Variants in ERC1 observed in about 807,000 individuals in gnomAD.
ERC1 encodes RAB6 interacting protein 2.
Under a neutral mutation model 132.0 loss-of-function variants are expected in ERC1, and 56 were observed. The ratio of observed to expected loss-of-function variants is 0.42; its 90% CI spans 0.34 to 0.53. The LOEUF is 0.53. Among genes scored for constraint, ERC1 ranks in the 20% least tolerant of loss-of-function variants. ERC1 has a pLI of 0.03. For synonymous variants in ERC1, 478 were observed against 476.1 expected, an observed-to-expected ratio of 1.00 and a Z score of -0.05; for missense variants, 1,202 against 1,349.9, an observed-to-expected ratio of 0.89 and a Z score of 1.72.
At chr12:1,276,133 C>G (rs1312399226) in intron 14 of ERC1, among the ~76,000 whole-genome samples, 1 of 152,144 alleles carries the variant, frequency 6.6e-6, no homozygotes, top group African/African-American at 2.4e-5. Context: ...TTCAACCTTA[C>G]CTTATTCCCT....
chr12:1,271,240 G>A (rs1031541280), intron 14 of ERC1, among the ~76,000 whole-genome samples: 7 of 152,196 alleles, frequency 4.6e-5, no homozygotes, highest in Admixed American at 4.6e-4. Context: ...TTTGGTCTAT[G>A]CAAGAGGTTG....
At chr12:1,385,427 C>T (rs1039023253) in intron 16 of ERC1, among the ~76,000 whole-genome samples, 28 of 152,154 alleles carry the variant, frequency 1.8e-4, no homozygotes, top group South Asian at 6.2e-4. Flanking sequence ...GGACTACAGG[C>T]GCCCGCCACC....
At chr12:1,132,382 C>CT (rs1200187338) in intron 7 of ERC1, among the ~76,000 whole-genome samples, 1 of 152,194 alleles carries the variant, frequency 6.6e-6, no homozygotes, top group Non-Finnish European at 1.5e-5. Context: ...TCCAGCCACA[C>CT]TTATACTAAA....
chr12:1,441,722 A>G (rs12313774), intron 17 of ERC1, among the ~76,000 whole-genome samples: 41,918 of 152,124 alleles, frequency 0.28, 10,618 homozygotes, highest in African/African-American at 0.68. Flanking sequence ...CAATGTATTC[A>G]TGAAAGAAGA....
chr12:1,129,166 T>C (rs907390976), intron 7 of ERC1, among the ~76,000 whole-genome samples: 9 of 152,196 alleles, frequency 5.9e-5, no homozygotes, highest in African/African-American at 1.9e-4. Context: ...AGTGGAACCA[T>C]AGATAAACTA....
At chr12:1,473,895 T>G (rs1245341572) in intron 18 of ERC1, among the ~76,000 whole-genome samples, 3 of 152,142 alleles carry the variant, frequency 2.0e-5, no homozygotes, top group Non-Finnish European at 4.4e-5. Context: ...AATAGATCCC[T>G]GGGCAAAAAA....
chr12:1,148,274 C>T (rs1406542920), intron 8 of ERC1, among the ~76,000 whole-genome samples: 1 of 152,176 alleles, frequency 6.6e-6, no homozygotes, highest in Non-Finnish European at 1.5e-5. Context: ...AATTGACTCA[C>T]ATTTCCATAT....
At chr12:1,047,745 A>G (rs77694774) in intron 2 of ERC1, among the ~76,000 whole-genome samples, 13,714 of 152,228 alleles carry the variant, frequency 0.09, 759 homozygotes, top group South Asian at 0.18. Flanking sequence ...GACAGTAACT[A>G]ATGTTAGTTT....
chr12:1,353,031 T>TC (rs1384817071), intron 15 of ERC1, among the ~76,000 whole-genome samples: 1 of 149,384 alleles, frequency 6.7e-6, no homozygotes, highest in African/African-American at 2.4e-5. Flanking sequence ...TTCTTTTCTT[T>TC]TTTTTTTTTT....
chr12:1,221,026 C>T (rs1450107760), intron 12 of ERC1, among the ~76,000 whole-genome samples: 1 of 152,212 alleles, frequency 6.6e-6, no homozygotes, highest in Non-Finnish European at 1.5e-5. Flanking sequence ...CATTCCTACA[C>T]ACCTTATCTC....
intron 15 of ERC1, among the ~76,000 whole-genome samples, chr12:1,295,619 G>T (rs2079860066): frequency 6.6e-6 from 1 of 151,970 alleles, no homozygotes; most frequent in South Asian, 2.1e-4. Flanking sequence ...TGAGGAACAA[G>T]GACCATGCTC....
At chr12:1,364,945 C>T (rs948895812) in intron 15 of ERC1, among the ~76,000 whole-genome samples, 2 of 152,188 alleles carry the variant, frequency 1.3e-5, no homozygotes, top group Admixed American at 6.5e-5. Context: ...CAAAATCTCT[C>T]TCTTTTGCGA....
chr12:1,331,671 G>A (rs2082874121), intron 15 of ERC1, among the ~76,000 whole-genome samples: 1 of 152,130 alleles, frequency 6.6e-6, no homozygotes, highest in Non-Finnish European at 1.5e-5. Flanking sequence ...GCAGTTCCTG[G>A]TGTTAAGCGA....
intron 18 of ERC1, among the ~76,000 whole-genome samples, chr12:1,479,945 A>G (rs1055188196): frequency 1.3e-5 from 2 of 151,858 alleles, no homozygotes; most frequent in Non-Finnish European, 1.5e-5. Context: ...CCTCATCCAC[A>G]CCTCTAAGCC....
rs373194296 is a variant in ERC1, at chr12:1,449,866, AT to A, written c.3213+5125del. 4.2e-3 allele frequency among the ~76,000 whole-genome samples: 633 copies of A among 150,894 alleles called. 5 individuals carry two copies. Among genetic ancestry groups the A allele is most frequent in the African/African-American group, 0.015 (605 of 41,050 alleles). ...TCTGTTTTTGTTTTCTTTTAAAGTA[AT>A]TTTTTTTTGTTATTTTATTTTATTT... On this transcript the variant is annotated intron_variant, in intron 18 of 18. Coordinates refer to ENST00000360905, the MANE Select transcript of ERC1 (RefSeq NM_178040.4).
intron 3 of ERC1, among the ~76,000 whole-genome samples, chr12:1,102,181 C>T (rs1412659870): frequency 6.6e-6 from 1 of 151,610 alleles, no homozygotes; most frequent in Non-Finnish European, 1.5e-5. Context: ...GGTGAACTGA[C>T]AATAACTATT....
chr12:1,083,929 G>C (rs1427109408), intron 3 of ERC1, among the ~76,000 whole-genome samples: 1 of 152,172 alleles, frequency 6.6e-6, no homozygotes. Context: ...AATCAGAATA[G>C]CTAACCATTG....
intron 17 of ERC1, among the ~76,000 whole-genome samples, chr12:1,419,644 A>G (rs998910502): frequency 6.6e-6 from 1 of 151,904 alleles, no homozygotes; most frequent in African/African-American, 2.4e-5. Context: ...TGAAAAACCA[A>G]AGTAATGGAG....
intron 18 of ERC1, chr12:1,445,199 A>G (rs1054863209): frequency 2.1e-5 from 3 of 146,076 alleles, no homozygotes; most frequent in Admixed American, 6.7e-5. Context: ...ATTATTAAGT[A>G]TAGTCAGCAT....
Sources: gnomAD v4.1 joint callset for allele counts (sites outside exome capture counted in the v4.1 genomes callset) on GRCh38, gnomAD v4.1.1 for gene constraint, MANE v1.5 for transcripts, NCBI Gene and HGNC (gene_info 2026-07-23, HGNC 2026-07-21) for gene names.